YLPM1: variants seen among roughly 807,000 people sequenced by gnomAD.
The protein encoded by YLPM1 is YLP motif containing 1.
A neutral mutation model predicts 230.0 loss-of-function variants in YLPM1; 99 were observed. That is an observed-to-expected ratio of 0.43 (90% CI 0.37 to 0.51). The LOEUF is 0.51. Ranked by LOEUF, YLPM1 falls within the 20% of genes least tolerant of loss-of-function variation. The pLI is 0.00. For missense variants in YLPM1, 2,592 were observed against 2,707.7 expected (o/e 0.96, Z 0.95); for synonymous variants, 984 against 942.5 (o/e 1.04, Z -0.81).
At chr14:74,803,482 C>T (rs1296744954) in intron 6 of YLPM1, among the ~76,000 whole-genome samples, 1 of 152,180 alleles carries the variant, frequency 6.6e-6, no homozygotes, top group Non-Finnish European at 1.5e-5. Flanking sequence ...TCCCTTCCAT[C>T]CTGGTCTAAT....
At chr14:74,790,615 CTT>C (rs1442152090) in intron 4 of YLPM1, among the ~76,000 whole-genome samples, 2 of 152,080 alleles carry the variant, frequency 1.3e-5, no homozygotes, top group African/African-American at 4.8e-5. Context: ...TTATAACACA[CTT>C]AACTATACAA....
chr14:74,823,153 C>T (rs946705090), intron 17 of YLPM1, among the ~76,000 whole-genome samples: 3 of 147,868 alleles, frequency 2.0e-5, no homozygotes, highest in African/African-American at 7.4e-5. Context: ...GGATTATGCT[C>T]TAGTAAACTC....
In YLPM1 at chr14:74,812,961, A is replaced by G. The variant is rs1454403255; in HGVS notation, c.5502+179A>G. Among the ~76,000 whole-genome samples the G allele has an allele frequency of 2.6e-5, 4 of 152,356 alleles. No individual in the cohort carries two copies. In the East Asian group the frequency reaches 7.7e-4, roughly 29 times the overall value. ...AATGGCCTACACTATAGAATCTTTA[A>G]GAATTTAGCACTAAAGTACTTGGCA... On this transcript the variant is annotated intron_variant, in intron 11 of 20. Transcript: ENST00000325680.
intron 5 of YLPM1, among the ~76,000 whole-genome samples, chr14:74,801,799 T>C (rs114734129): frequency 0.011 from 1,734 of 152,352 alleles, 35 homozygotes; most frequent in African/African-American, 0.039. Context: ...ATGAAATATT[T>C]TGCTTTGTAA....
At chr14:74,813,118 T>C (rs1207480679) in intron 11 of YLPM1, among the ~76,000 whole-genome samples, 1 of 152,236 alleles carries the variant, frequency 6.6e-6, no homozygotes, top group African/African-American at 2.4e-5. Flanking sequence ...TAGCTTAGGC[T>C]TAATTTCCTA....
intron 6 of YLPM1, among the ~76,000 whole-genome samples, chr14:74,803,646 G>A (rs989192737): frequency 1.3e-5 from 2 of 151,942 alleles, no homozygotes; most frequent in African/African-American, 4.8e-5. Context: ...TTCAAAATGG[G>A]GCTCGTTATC....
chr14:74,798,429 A>G lies in YLPM1; in HGVS notation c.3132A>G (p.Ala1044=). The change falls in exon 5 of 21, where the codon GCA becomes GCG. Residue 1044 remains alanine (A), a synonymous_variant. Coordinates refer to ENST00000325680, the MANE Select transcript of YLPM1 (RefSeq NM_019589.3). ...KGLVNRGRGQ[A]ISRGPGLVKQ... ...TAGTAAACAGAGGTCGCGGCCAGGC[A>G]ATCAGTCGAGGCCCAGGATTGGTCA... 6.2e-7 allele frequency: 1 copy of G among 1,614,004 alleles called. No homozygotes were observed. The highest frequency in any genetic ancestry group is 1.1e-5 in the South Asian group (1 of 91,082).
intron 1 of YLPM1, among the ~76,000 whole-genome samples, chr14:74,776,270 G>A (rs1241199531): frequency 6.6e-6 from 1 of 152,142 alleles, no homozygotes; most frequent in Non-Finnish European, 1.5e-5. Context: ...GTGCTCCTCG[G>A]GGAAATACAG....
At chr14:74,834,275 C>A (rs1456991788) in intron 19 of YLPM1, among the ~76,000 whole-genome samples, 1 of 151,670 alleles carries the variant, frequency 6.6e-6, no homozygotes, top group Non-Finnish European at 1.5e-5. Flanking sequence ...TAGGAAATAT[C>A]CCTGATCCAT....
intron 13 of YLPM1, 54 bp downstream of exon 13, chr14:74,816,744 A>T: frequency 6.5e-7 from 1 of 1,545,270 alleles, no homozygotes; most frequent in South Asian, 1.2e-5. Context: ...TTTAAAGGAA[A>T]ATGTGTTTGG....
intron 17 of YLPM1, 48 bp from the exon 18 acceptor site, chr14:74,824,208 T>A (rs752566832): frequency 6.3e-7 from 1 of 1,583,008 alleles, no homozygotes; most frequent in East Asian, 2.3e-5. Context: ...GATATGCATG[T>A]ATGTGTCTCT....
chr14:74,764,350 G>A lies in YLPM1; in HGVS notation c.861G>A (p.Thr287=), dbSNP rs936959443. 5 of 1,609,278 alleles carry A rather than the reference G, an allele frequency of 3.1e-6. No homozygotes were observed. Among genetic ancestry groups the A allele is most frequent in the African/African-American group, 1.3e-5 (1 of 74,796 alleles). Residue 287 remains threonine (T), a synonymous_variant, in exon 1 of 21, where the codon ACG becomes ACA. Coordinates refer to ENST00000325680, the MANE Select transcript of YLPM1 (RefSeq NM_019589.3). The part of the protein sequence containing the change: ...QQAAPEPDPS[T]MTPQEQQQYW... ...CCGCCCCTGAGCCAGATCCCTCTAC[G>A]ATGACTCCACAGGTAAGAAAGCATC...
At chr14:74,809,223 T>G (rs561522467) in intron 6 of YLPM1, among the ~76,000 whole-genome samples, 157 bp from the exon 7 acceptor site, 1 of 152,140 alleles carries the variant, frequency 6.6e-6, no homozygotes, top group East Asian at 1.9e-4. Context: ...TGGCTTGTCC[T>G]CATTTTTTTT....
At chr14:74,772,756 T>C (rs1477863523) in intron 1 of YLPM1, among the ~76,000 whole-genome samples, 1 of 152,192 alleles carries the variant, frequency 6.6e-6, no homozygotes, top group Non-Finnish European at 1.5e-5. Flanking sequence ...CAACATCCCA[T>C]ATGAAATGGA....
Position 74,781,950 on chromosome 14 carries a change from C to A in YLPM1, c.1907C>A (p.Pro636His). 1 of 1,613,704 alleles carries A rather than the reference C, an allele frequency of 6.2e-7. No individual in the cohort carries two copies. The highest frequency in any genetic ancestry group is 1.7e-5 in the Admixed American group (1 of 60,006). The stretch of plus-strand genomic sequence containing the variant: ...ACACCTCCTCCAGGAATACCTCCCC[C>A]TGGAGTTCCACAAGGGATACCTCCT... ...SATPPPGIPPPGVPQGIPPQL... is the reference protein window; with the variant it reads ...SATPPPGIPPHGVPQGIPPQL... Residue 636 changes from proline (P) to histidine (H), a missense_variant, in exon 4 of 21, where the codon CCT becomes CAT. Transcript: ENST00000325680.
chr14:74,809,275 G>A lies in YLPM1; in HGVS notation c.4522-105G>A, dbSNP rs147435150. On this transcript the variant is annotated intron_variant, in intron 6 of 20. Coordinates refer to ENST00000325680, the MANE Select transcript of YLPM1 (RefSeq NM_019589.3). ...GCACGAAATTTTGAATGAGTCCAAGGTGTTAACTTTTTTCTTATAAATTGA... is the reference window on the plus strand; with the variant it reads ...GCACGAAATTTTGAATGAGTCCAAGATGTTAACTTTTTTCTTATAAATTGA... The A allele has an allele frequency of 1.2e-4, 176 of 1,445,860 alleles. No individual in the cohort carries two copies. In the East Asian group the frequency reaches 3.6e-3, roughly 30 times the overall value. 89.6% of individuals were successfully genotyped at this position (1,445,860 alleles called of 1,614,324 possible).
At chr14:74,769,851 ACCCCCCCCC>A (rs113231747) in intron 1 of YLPM1, among the ~76,000 whole-genome samples, 2 of 76,734 alleles carry the variant, frequency 2.6e-5, no homozygotes, top group Non-Finnish European at 5.2e-5. Flanking sequence ...AAAGTGAGAC[ACCCCCCCCC>A]CCGCCCCCCG....
intron 4 of YLPM1, among the ~76,000 whole-genome samples, chr14:74,796,968 C>CTTTTTTTT (rs3083626): frequency 9.0e-5 from 8 of 88,954 alleles, no homozygotes; most frequent in Non-Finnish European, 1.0e-4. Flanking sequence ...TTTATAATTG[C>CTTTTTTTT]TTTTTTTTTT....
intron 1 of YLPM1, among the ~76,000 whole-genome samples, chr14:74,776,208 A>AT (rs1174023355): frequency 6.6e-6 from 1 of 151,978 alleles, no homozygotes; most frequent in Admixed American, 6.5e-5. Context: ...AGTTTTCTTT[A>AT]TTTGAGATTT....
Sources: allele counts gnomAD v4.1 joint callset (sites outside exome capture counted in the v4.1 genomes callset), GRCh38; gene constraint gnomAD v4.1.1; transcripts MANE v1.5; gene names NCBI Gene and HGNC (gene_info 2026-07-23, HGNC 2026-07-21).